The following CBFA2T2 variants were observed in gnomAD, a reference collection of about 807,000 sequenced individuals.
The protein encoded by CBFA2T2 is protein CBFA2T2.
CBFA2T2 carries 11 observed loss-of-function variants against 62.2 expected under a neutral mutation model. The observed-to-expected ratio is 0.18, with a 90% CI of 0.11 to 0.29. The LOEUF is 0.29. CBFA2T2 is among the 10% of genes least tolerant of loss of function. The pLI, the probability that CBFA2T2 is intolerant of heterozygous loss-of-function variation, is 1.00. For missense variants in CBFA2T2, 592 were observed against 774.1 expected, an observed-to-expected ratio of 0.76 and a Z score of 2.79; for synonymous variants, 295 against 287.5, an observed-to-expected ratio of 1.03 and a Z score of -0.27.
chr20:33,519,192 G>C (rs2011662823), intron 1 of CBFA2T2, among the ~76,000 whole-genome samples: 2 of 152,124 alleles, frequency 1.3e-5, no homozygotes, highest in South Asian at 2.1e-4. Flanking sequence ...GATTGTGGCT[G>C]GGCACCATGG....
chr20:33,645,451 C>T lies in CBFA2T2; in HGVS notation c.*805C>T, dbSNP rs928257960. 1 of 152,196 alleles carries T rather than the reference C, an allele frequency of 6.6e-6. No homozygotes were observed. Among genetic ancestry groups the T allele is most frequent in the Non-Finnish European group, 1.5e-5 (1 of 68,036 alleles). The allele number at this position is 152,196 out of a possible 1,614,324, so 9.4% of individuals were successfully genotyped here. A position where few individuals can be genotyped will look rare whatever the true frequency, so the allele number is the denominator to read the frequency against. On this transcript the variant is annotated 3_prime_UTR_variant, in exon 11 of 11. Transcript: ENST00000342704. The stretch of plus-strand genomic sequence containing the variant: ...TTGTGGATAGTCTGTTTTCTCTGAG[C>T]ATGTTGGCCAACTAGTATCGTCAAA...
At chr20:33,554,558 TTTTTCTTTTCTTTTC>T (rs143747291) in intron 1 of CBFA2T2, among the ~76,000 whole-genome samples, 2 of 149,468 alleles carry the variant, frequency 1.3e-5, no homozygotes, top group African/African-American at 2.5e-5. Context: ...CTATTTTTCT[TTTTTCTTTTCTTTTC>T]TTTTCTTTCC....
intron 6 of CBFA2T2, among the ~76,000 whole-genome samples, chr20:33,627,978 C>T (rs1040569513): frequency 3.9e-5 from 6 of 152,188 alleles, no homozygotes; most frequent in East Asian, 1.9e-4. Context: ...CCAGTACACA[C>T]GCTAGTTTTG....
chr20:33,521,754 G>A (rs1369422374), intron 1 of CBFA2T2, among the ~76,000 whole-genome samples: 3 of 151,936 alleles, frequency 2.0e-5, no homozygotes, highest in East Asian at 3.8e-4. Flanking sequence ...ATTTACCTTG[G>A]CACAGGTGTT....
At chr20:33,638,232 C>T (rs2016700147) in intron 9 of CBFA2T2, among the ~76,000 whole-genome samples, 1 of 152,044 alleles carries the variant, frequency 6.6e-6, no homozygotes, top group South Asian at 2.1e-4. Flanking sequence ...GCCTTGGCCT[C>T]CCAAAGTGCT....
At chr20:33,592,415 A>T (rs1011373742) in intron 1 of CBFA2T2, among the ~76,000 whole-genome samples, 5 of 147,794 alleles carry the variant, frequency 3.4e-5, no homozygotes, top group Non-Finnish European at 7.5e-5. Context: ...TTATATATAT[A>T]ATTATGTAAA....
intron 3 of CBFA2T2, among the ~76,000 whole-genome samples, chr20:33,616,569 A>T (rs1176480910): frequency 6.6e-6 from 1 of 152,142 alleles, no homozygotes; most frequent in Admixed American, 6.5e-5. Flanking sequence ...TGTACTAAAA[A>T]TACAAAAATT....
chr20:33,631,450 C>T (rs903884412), intron 8 of CBFA2T2, among the ~76,000 whole-genome samples: 1 of 152,210 alleles, frequency 6.6e-6, no homozygotes, highest in Non-Finnish European at 1.5e-5. Flanking sequence ...AGTTTACACC[C>T]AAGCCATACC....
intron 1 of CBFA2T2, chr20:33,574,023 A>G (rs1338435340): frequency 8.6e-7 from 1 of 1,160,660 alleles, no homozygotes; most frequent in East Asian, 3.1e-5. Flanking sequence ...TCCTGGGCTA[A>G]AGCGATCTTC....
At chr20:33,550,536 C>A in intron 1 of CBFA2T2, among the ~76,000 whole-genome samples, 1 of 152,182 alleles carries the variant, frequency 6.6e-6, no homozygotes, top group Non-Finnish European at 1.5e-5. Flanking sequence ...TCAAGACACA[C>A]CACCTGTCCT....
At chr20:33,601,654 A>G (rs532649260) in intron 1 of CBFA2T2, among the ~76,000 whole-genome samples, 1 of 152,348 alleles carries the variant, frequency 6.6e-6, no homozygotes, top group African/African-American at 2.4e-5. Context: ...ATTATAGGAA[A>G]GATCTCTATA....
intron 1 of CBFA2T2, among the ~76,000 whole-genome samples, chr20:33,561,797 C>A (rs1242895222): frequency 1.3e-5 from 2 of 152,168 alleles, no homozygotes; most frequent in Non-Finnish European, 2.9e-5. Flanking sequence ...CATTTATAAT[C>A]TTTACAGCAT....
intron 1 of CBFA2T2, chr20:33,601,901 C>G (rs2015154370): frequency 6.6e-6 from 1 of 151,860 alleles, no homozygotes; most frequent in Non-Finnish European, 1.5e-5. Context: ...ACCTCCTGGA[C>G]TCAGGTGATC....
chr20:33,564,318 A>C (rs1054045565), intron 1 of CBFA2T2, among the ~76,000 whole-genome samples: 2 of 146,144 alleles, frequency 1.4e-5, no homozygotes, highest in African/African-American at 5.1e-5. Context: ...GGTGGAGTGC[A>C]GTGGCGCGGT....
intron 1 of CBFA2T2, among the ~76,000 whole-genome samples, chr20:33,575,305 A>G (rs2013771340): frequency 6.6e-6 from 1 of 152,188 alleles, no homozygotes; most frequent in African/African-American, 2.4e-5. Context: ...TGAATGCTTT[A>G]CCCTGCTGTT....
chr20:33,550,832 G>A (rs935680182), intron 1 of CBFA2T2, among the ~76,000 whole-genome samples: 12 of 152,054 alleles, frequency 7.9e-5, no homozygotes, highest in African/African-American at 2.7e-4. Context: ...ACCTTGCCCA[G>A]GCTGGTCTCC....
chr20:33,569,182 A>C (rs2146900781), intron 1 of CBFA2T2, among the ~76,000 whole-genome samples: 1 of 152,326 alleles, frequency 6.6e-6, no homozygotes, highest in East Asian at 1.9e-4. Flanking sequence ...TAGGGCACAC[A>C]AAAATTTTCA....
At chr20:33,503,621 G>A (rs763991862) in intron 1 of CBFA2T2, among the ~76,000 whole-genome samples, 17 of 152,138 alleles carry the variant, frequency 1.1e-4, no homozygotes, top group Middle Eastern at 3.4e-3. Flanking sequence ...TATTCATTTT[G>A]TATGGTTTAT....
At chr20:33,559,919 C>A (rs564251248) in intron 1 of CBFA2T2, among the ~76,000 whole-genome samples, 1 of 152,266 alleles carries the variant, frequency 6.6e-6, no homozygotes. Context: ...TCTGTTATGA[C>A]AAGTTTTGTA....
Sources: gnomAD v4.1 joint callset for allele counts (sites outside exome capture counted in the v4.1 genomes callset) on GRCh38, gnomAD v4.1.1 for gene constraint, MANE v1.5 for transcripts, NCBI Gene and HGNC (gene_info 2026-07-23, HGNC 2026-07-21) for gene names.